The following ACOT8 variants were observed in gnomAD, a reference collection of about 807,000 sequenced individuals.
ACOT8 encodes acyl-coenzyme A thioesterase 8.
Under a neutral mutation model 38.4 loss-of-function variants are expected in ACOT8, and 31 were observed. The observed-to-expected ratio is 0.81, with a 90% CI of 0.61 to 1.09. The LOEUF (loss-of-function observed/expected upper bound fraction) is 1.09. ACOT8 is among the 50% of genes least tolerant of loss of function. ACOT8 has a pLI of 0.00. For missense variants in ACOT8, 373 were observed against 421.8 expected (o/e 0.88, Z 1.01); for synonymous variants, 158 against 170.3 (o/e 0.93, Z 0.56).
At position 45,857,305 on chromosome 20, in the gene ACOT8, G is replaced by A. The variant is rs1352747206; in HGVS notation, c.11C>T (p.Pro4Leu). Residue 4 changes from proline to leucine, a missense_variant, in exon 1 of 6, where the codon CCG (proline) becomes CTG (leucine). By Grantham distance (98) the Pro-to-Leu change is moderately conservative. Coordinates refer to ENST00000217455, the MANE Select transcript of ACOT8 (RefSeq NM_005469.4). MSS[P>L]QAPEDGQGCG... ...GCCCTGCCCATCTTCTGGGGCCTGC[G>A]GGGACGACATCTAGTTCAATGCTGC... is the stretch of plus-strand genomic sequence containing the variant. 6.2e-7 allele frequency: 1 copy of A among 1,605,646 alleles called. No homozygotes were observed.
intron 1 of ACOT8, among the ~76,000 whole-genome samples, chr20:45,856,155 AC>A (rs1376648694): frequency 6.6e-6 from 1 of 151,996 alleles, no homozygotes; most frequent in Non-Finnish European, 1.5e-5. Context: ...TCCCAGCTAA[AC>A]GGGAGACTGA....
chr20:45,847,302 C>T (rs1439581329), intron 3 of ACOT8, among the ~76,000 whole-genome samples: 3 of 152,008 alleles, frequency 2.0e-5, no homozygotes, highest in Non-Finnish European at 2.9e-5. Context: ...ACACTCACTC[C>T]TGGTGTGCAT....
chr20:45,848,723 CACA>C, intron 2 of ACOT8, 48 bp from the exon 3 acceptor site: 1 of 1,483,770 alleles, frequency 6.7e-7, no homozygotes, highest in African/African-American at 1.4e-5. Flanking sequence ...CTGTCATCAT[CACA>C]ACGCCTGACA....
rs1307099595 is a variant in ACOT8 at position 45,843,999 on chromosome 20, T to C, written c.646+264A>G. ...TTCCAATTTGCACAAAGATACTTTA[T>C]AGTTAGCAGCAAAGCTGGACAACAA... On this transcript the variant is annotated intron_variant, in intron 4 of 5. Coordinates refer to ENST00000217455, the MANE Select transcript of ACOT8 (RefSeq NM_005469.4). 8.9e-6 allele frequency: 7 copies of C among 786,850 alleles called. No individual in the cohort carries two copies. The African/African-American group carries it at 1.2e-4, about 14-fold the overall frequency. The allele number at this position is 786,850 out of a possible 1,614,324, so 48.7% of individuals were successfully genotyped here. A position where few individuals can be genotyped will look rare whatever the true frequency, so the allele number is the denominator to read the frequency against.
intron 3 of ACOT8, chr20:45,848,069 C>G (rs1984804680): frequency 6.4e-6 from 1 of 155,216 alleles, no homozygotes; most frequent in Non-Finnish European, 1.4e-5. Context: ...CCCCCACACC[C>G]AGCCCCAGCC....
chr20:45,851,151 G>A (rs1985030375), intron 2 of ACOT8, among the ~76,000 whole-genome samples: 2 of 152,176 alleles, frequency 1.3e-5, no homozygotes, highest in Admixed American at 6.5e-5. Context: ...TCAATCAACA[G>A]CAATAAACAT....
chr20:45,842,368 C>A, intron 5 of ACOT8: 1 of 1,313,610 alleles, frequency 7.6e-7, no homozygotes, highest in Non-Finnish European at 9.7e-7. Flanking sequence ...GAACAGTCTC[C>A]TTCAACAGCT....
At chr20:45,848,423 C>A in intron 3 of ACOT8, 27 bp downstream of exon 3, 1 of 1,527,084 alleles carries the variant, frequency 6.5e-7, no homozygotes, top group Non-Finnish European at 8.8e-7. Flanking sequence ...TTTGAAAAGT[C>A]TGCCATGGAG....
chr20:45,846,676 G>T (rs1984706634), intron 3 of ACOT8, among the ~76,000 whole-genome samples: 1 of 152,136 alleles, frequency 6.6e-6, no homozygotes, highest in South Asian at 2.1e-4. Context: ...CTGGGGAGTT[G>T]GGCACTGTCC....
chr20:45,855,092 G>GC, intron 2 of ACOT8, 67 bp downstream of exon 2: 1 of 1,590,186 alleles, frequency 6.3e-7, no homozygotes. Flanking sequence ...TTTGACCTCA[G>GC]CCCCCAAGGC....
chr20:45,844,830 T>C (rs188769635), intron 3 of ACOT8, among the ~76,000 whole-genome samples: 224 of 152,338 alleles, frequency 1.5e-3, no homozygotes, highest in Non-Finnish European at 2.6e-3. Flanking sequence ...CACCCCCATT[T>C]CATCAGTGAA....
At chr20:45,854,123 T>C (rs2145776279) in intron 2 of ACOT8, 1 of 503,364 alleles carries the variant, frequency 2.0e-6, no homozygotes, top group Non-Finnish European at 3.3e-6. Flanking sequence ...TGGTCTTGAA[T>C]TCCTGGGTTC....
At chr20:45,844,121 G>A in intron 4 of ACOT8, 142 bp downstream of exon 4, 1 of 1,172,036 alleles carries the variant, frequency 8.5e-7, no homozygotes, top group Non-Finnish European at 1.2e-6. Flanking sequence ...AGAGGGCCCA[G>A]GTGAGAAGCT....
chr20:45,846,355 A>G (rs1984684565), intron 3 of ACOT8, among the ~76,000 whole-genome samples: 1 of 150,130 alleles, frequency 6.7e-6, no homozygotes, highest in South Asian at 2.1e-4. Context: ...TAGCACGCTA[A>G]GTGCCTTTTC....
At chr20:45,857,379 CTGACTCTTCCGGCAGATTGCCCT>C (rs1985536781) in exon 1 of ACOT8, 1 of 1,521,648 alleles carries the variant, frequency 6.6e-7, no homozygotes, top group Non-Finnish European at 8.8e-7. Flanking sequence ...TACACAGAAC[CTGACTCTTCCGGCAGATTGCCCT>C]AGTAACCGGA....
At chr20:45,854,970 T>A (rs1985311967) in intron 2 of ACOT8, among the ~76,000 whole-genome samples, 189 bp downstream of exon 2, 1 of 152,208 alleles carries the variant, frequency 6.6e-6, no homozygotes, top group South Asian at 2.1e-4. Flanking sequence ...TCCCAGCAGG[T>A]GTGAGGTCCA....
intron 3 of ACOT8, chr20:45,847,626 AG>A (rs150401853): frequency 0.018 from 2,663 of 150,232 alleles, 81 homozygotes; most frequent in South Asian, 0.12. Context: ...GCTACTTGGG[AG>A]GCTGAGGCGG....
intron 2 of ACOT8, among the ~76,000 whole-genome samples, chr20:45,852,383 T>G (rs1985124244): frequency 6.6e-6 from 1 of 151,970 alleles, no homozygotes; most frequent in South Asian, 2.1e-4. Flanking sequence ...TTCGCCACAT[T>G]GTCCAGGCTG....
Position 45,857,265 on chromosome 20 carries a change from G to C in ACOT8, c.51C>G (p.Gly17=). ...CGCTACGGAGGTCCCCAGGGGGATC[G>C]CCGCGGTCGCCACAGCCCTGCCCAT... ...PEDGQGCGDR[G]DPPGDLRSVL... is the part of the protein sequence containing the mutation. Residue 17 remains glycine (G), a synonymous_variant, in exon 1 of 6, where the codon GGC becomes GGG. Transcript: ENST00000217455. The C allele has an allele frequency of 1.9e-6, 3 of 1,613,088 alleles. No individual in the cohort carries two copies. Among genetic ancestry groups the C allele is most frequent in the Non-Finnish European group, 1.7e-6 (2 of 1,179,790 alleles).
Sources: gnomAD v4.1 joint callset for allele counts (sites outside exome capture counted in the v4.1 genomes callset) on GRCh38, gnomAD v4.1.1 for gene constraint, MANE v1.5 for transcripts, NCBI Gene and HGNC (gene_info 2026-07-23, HGNC 2026-07-21) for gene names.